Variants in BEST3 observed in about 807,000 individuals in gnomAD.
BEST3 encodes bestrophin-3.
A neutral mutation model predicts 47.1 loss-of-function variants in BEST3; 50 were observed. The ratio of observed to expected loss-of-function variants is 1.06; its 90% CI spans 0.85 to 1.34. The LOEUF (loss-of-function observed/expected upper bound fraction) is 1.34, where lower values mean the gene tolerates loss of function less well. Among genes scored for constraint, BEST3 ranks in the 40% most tolerant of loss-of-function variants. The pLI, the probability that BEST3 is intolerant of heterozygous loss-of-function variation, is 0.00. For synonymous variants in BEST3, 282 were observed against 298.8 expected (o/e 0.94, Z 0.58); for missense variants, 765 against 817.0 (o/e 0.94, Z 0.78).
chr12:69,646,447 A>ATT lies in BEST3; in HGVS notation c.1101-2662_1101-2661dup, dbSNP rs35065392. Among the ~76,000 whole-genome samples the ATT allele has an allele frequency of 2.4e-3, 356 of 148,258 alleles. 3 individuals carry two copies. The highest frequency in any genetic ancestry group is 8.1e-3 in the African/African-American group (327 of 40,510). On this transcript the variant is annotated intron_variant, in intron 9 of 9. Transcript: ENST00000331471. The stretch of plus-strand genomic sequence containing the variant: ...TTTCCTTCAAGCATCCATGCACCTA[A>ATT]TTTTTTTTTTTTGATATGGTCAGAC...
chr12:69,654,966 C>T lies in BEST3; in HGVS notation c.1948G>A (p.Asp650Asn), dbSNP rs1177884465. The change falls in exon 10 of 10, where the codon GAC becomes AAC. Residue 650 changes from aspartate (D) to asparagine (N), a missense_variant. Physicochemically the swap from Asp to Asn is conservative, Grantham distance 23. Transcript: ENST00000330891. ...SDMLYLMENLDTKETDIIELN... is the reference protein window; with the variant it reads ...SDMLYLMENLNTKETDIIELN... The stretch of plus-strand genomic sequence containing the variant: ...TCTATGATATCTGTTTCCTTGGTGT[C>T]CAGGTTTTCCATTAAATACAGCATA... The T allele has an allele frequency of 6.2e-7, 1 of 1,613,878 alleles. No homozygotes were observed. The highest frequency in any genetic ancestry group is 1.3e-5 in the African/African-American group (1 of 74,872).
rs545599026 is a variant in BEST3, at chr12:69,684,867, G to A, written c.482-5974C>T. Among the ~76,000 whole-genome samples the A allele has an allele frequency of 2.0e-4, 30 of 152,284 alleles. 1 individual carries two copies. The highest frequency in any genetic ancestry group is 6.7e-4 in the African/African-American group (28 of 41,556). On this transcript the variant is annotated intron_variant, in intron 4 of 9. Coordinates refer to ENST00000330891, the MANE Select transcript of BEST3 (RefSeq NM_032735.3). ...ATCACATTGCAACAACATCATGCAG[G>A]GCAGGATGTCAACCAGGTTTTTTCG... is the stretch of plus-strand genomic sequence containing the variant.
chr12:69,696,715 T>C (rs775428), intron 2 of BEST3, among the ~76,000 whole-genome samples: 65,782 of 152,022 alleles, frequency 0.43, 14,773 homozygotes, highest in East Asian at 0.74. Flanking sequence ...CCAAAGGAGA[T>C]CCTGTTGCTG....
intron 9 of BEST3, among the ~76,000 whole-genome samples, chr12:69,663,112 C>T (rs1883968201): frequency 6.6e-6 from 1 of 152,188 alleles, no homozygotes; most frequent in African/African-American, 2.4e-5. Flanking sequence ...TCTTAAATTT[C>T]TGTGTTTCAT....
intron 4 of BEST3, among the ~76,000 whole-genome samples, chr12:69,679,233 A>G (rs894809045): frequency 2.0e-5 from 3 of 152,254 alleles, no homozygotes; most frequent in East Asian, 1.9e-4. Flanking sequence ...GTTGGGAACC[A>G]TAATACTTGG....
intron 8 of BEST3, among the ~76,000 whole-genome samples, chr12:69,672,362 C>T (rs1174669032): frequency 6.6e-6 from 1 of 152,210 alleles, no homozygotes; most frequent in African/African-American, 2.4e-5. Context: ...ATGAAAAGCT[C>T]TCTGGAATAG....
At position 69,654,888 on chromosome 12, in the gene BEST3, T is replaced by C; in HGVS notation, c.*19A>G. ...GGTAAGAATCTAGGCTAGAACCAGGTCCTAGAACTTGGTGGCACTCATTTG... is the reference window on the plus strand; with the variant it reads ...GGTAAGAATCTAGGCTAGAACCAGGCCCTAGAACTTGGTGGCACTCATTTG... On this transcript the variant is annotated 3_prime_UTR_variant, in exon 10 of 10. Transcript: ENST00000330891. 1 of 1,597,978 alleles carries C rather than the reference T, an allele frequency of 6.3e-7. No homozygotes were observed. Among genetic ancestry groups the C allele is most frequent in the South Asian group, 1.1e-5 (1 of 88,750 alleles).
chr12:69,675,620 T>C (rs1191103895), intron 7 of BEST3, among the ~76,000 whole-genome samples: 1 of 152,220 alleles, frequency 6.6e-6, no homozygotes, highest in East Asian at 1.9e-4. Flanking sequence ...TTTATATTTA[T>C]AAAGCTAAAG....
At position 69,699,249 on chromosome 12, in the gene BEST3, A is replaced by G; in HGVS notation, c.-60T>C. 6 of 985,360 alleles carry G rather than the reference A, an allele frequency of 6.1e-6. No homozygotes were observed. Among genetic ancestry groups the G allele is most frequent in the Non-Finnish European group, 7.2e-6 (6 of 829,920 alleles). 61.0% of individuals were successfully genotyped at this position (985,360 alleles called of 1,614,324 possible). A position where few individuals can be genotyped will look rare whatever the true frequency, so the allele number is the denominator to read the frequency against. On this transcript the variant is annotated 5_prime_UTR_variant, in exon 1 of 10. Transcript: ENST00000330891. ...TCTCCGACAGGAAAGAGAATCTTCA[A>G]ATTTCGGGCTCCCCCGAAGAGGTGC... is the stretch of plus-strand genomic sequence containing the variant.
chr12:69,645,059 G>C (rs1388424864), intron 9 of BEST3, among the ~76,000 whole-genome samples: 1 of 152,098 alleles, frequency 6.6e-6, no homozygotes, highest in African/African-American at 2.4e-5. Flanking sequence ...AGAACCTATG[G>C]GGGGCCTCTT....
chr12:69,679,914 C>CGTGTGT lies in BEST3; in HGVS notation c.482-1027_482-1022dup, dbSNP rs35274840. ...GTGTGTGTGCATGTGTGTATGCATG[C>CGTGTGT]GTGTGTGTGTGTGTGTGTGTGTGTA... On this transcript the variant is annotated intron_variant, in intron 4 of 9. Coordinates refer to ENST00000330891, the MANE Select transcript of BEST3 (RefSeq NM_032735.3). Among the ~76,000 whole-genome samples the CGTGTGT allele has an allele frequency of 6.2e-3, 930 of 150,240 alleles. 6 individuals are homozygous for CGTGTGT. The highest frequency in any genetic ancestry group is 0.016 in the South Asian group (74 of 4,718).
chr12:69,651,059 C>A (rs1314190212), downstream of BEST3, among the ~76,000 whole-genome samples: 1 of 152,060 alleles, frequency 6.6e-6, no homozygotes, highest in Non-Finnish European at 1.5e-5. Context: ...CCAGCCTGGG[C>A]AACATAGCAG....
At chr12:69,651,284 G>T (rs1883201422), downstream of BEST3, among the ~76,000 whole-genome samples, 1 of 152,196 alleles carries the variant, frequency 6.6e-6, no homozygotes, top group African/African-American at 2.4e-5. Flanking sequence ...GATGCCTCAT[G>T]AAGGGCAAGT....
In BEST3 at chr12:69,656,506, A is replaced by C. The variant is rs927971587; in HGVS notation, c.1101-693T>G. ...ACAATGGATCATAGGTAAATTCACG[A>C]GCGTGCGATGCCCAGCTCACATTTA... On this transcript the variant is annotated intron_variant, in intron 9 of 9. Transcript: ENST00000330891. Among the ~76,000 whole-genome samples the C allele has an allele frequency of 2.0e-5, 3 of 152,140 alleles. No homozygotes were observed. The East Asian group carries it at 5.8e-4, about 29-fold the overall frequency.
chr12:69,695,324 A>G (rs17106992), intron 2 of BEST3, among the ~76,000 whole-genome samples: 5,997 of 152,268 alleles, frequency 0.039, 165 homozygotes, highest in African/African-American at 0.068. Flanking sequence ...ACAAGCATCA[A>G]AGGCTCATTT....
intron 1 of BEST3, among the ~76,000 whole-genome samples, chr12:69,698,681 T>G (rs1240521411): frequency 6.6e-6 from 1 of 152,222 alleles, no homozygotes; most frequent in African/African-American, 2.4e-5. Context: ...AAAAATAAAT[T>G]CTGTAGCAGA....
At chr12:69,695,263 C>T (rs548393139) in intron 2 of BEST3, among the ~76,000 whole-genome samples, 5 of 152,130 alleles carry the variant, frequency 3.3e-5, no homozygotes, top group South Asian at 2.1e-4. Flanking sequence ...AATAAATCGA[C>T]GAGTGTAGCT....
At chr12:69,643,922 G>T in intron 9 of BEST3, 1 of 505,140 alleles carries the variant, frequency 2.0e-6, no homozygotes, top group South Asian at 3.1e-5. Flanking sequence ...GTGTTCTGAA[G>T]CATGGTCCCA....
At chr12:69,693,447 T>C (rs1167980332) in intron 4 of BEST3, among the ~76,000 whole-genome samples, 7 of 151,988 alleles carry the variant, frequency 4.6e-5, no homozygotes, top group African/African-American at 1.7e-4. Context: ...CTATTTTTAG[T>C]AGAGATGGGG....
Sources: gnomAD v4.1 joint callset for allele counts (sites outside exome capture counted in the v4.1 genomes callset) on GRCh38, gnomAD v4.1.1 for gene constraint, MANE v1.5 for transcripts, NCBI Gene and HGNC (gene_info 2026-07-23, HGNC 2026-07-21) for gene names.